Variants in ABL1 observed in about 807,000 individuals in gnomAD.
ABL1 encodes ABL proto-oncogene 1, non-receptor tyrosine kinase.
In ABL1, 11 loss-of-function variants were observed where a neutral mutation model predicts 94.7. The observed-to-expected ratio is 0.12, with a 90% CI of 0.07 to 0.19. ABL1 has a LOEUF of 0.19. Among genes scored for constraint, ABL1 ranks in the 10% least tolerant of loss-of-function variants. The pLI, the probability that ABL1 is intolerant of heterozygous loss-of-function variation, is 1.00. For synonymous variants in ABL1, 656 were observed against 622.4 expected (o/e 1.05, Z -0.80); for missense variants, 1,082 against 1,489.4 (o/e 0.73, Z 4.50).
chr9:130,803,379 G>A (rs1383493030), intron 1 of ABL1, among the ~76,000 whole-genome samples: 10 of 152,084 alleles, frequency 6.6e-5, no homozygotes, highest in Admixed American at 3.3e-4. Flanking sequence ...TCTCTTTTCT[G>A]AGCCACCCAG....
At chr9:130,714,255 A>C in exon 1 of ABL1, 1 of 1,486,062 alleles carries the variant, frequency 6.7e-7, no homozygotes, top group Non-Finnish European at 9.0e-7. Flanking sequence ...ATTTCCCTCT[A>C]CGCTCGCTGA....
At chr9:130,843,415 T>A (rs1309855457) in intron 1 of ABL1, among the ~76,000 whole-genome samples, 3 of 152,216 alleles carry the variant, frequency 2.0e-5, no homozygotes, top group Non-Finnish European at 4.4e-5. Context: ...CCCAACTAGG[T>A]TGATGCCATG....
intron 1 of ABL1, among the ~76,000 whole-genome samples, chr9:130,754,821 A>G (rs888166686): frequency 2.0e-5 from 3 of 152,126 alleles, no homozygotes; most frequent in Non-Finnish European, 4.4e-5. Flanking sequence ...GGACTAGGGA[A>G]TAGATAGGGC....
In ABL1 at chr9:130,850,955, G is replaced by A. The variant is rs549808743; in HGVS notation, c.80-3109G>A. On this transcript the variant is annotated intron_variant, in intron 1 of 10. Transcript: ENST00000318560. ...TTGTTTGTTTTTTTGAGAGAGTCTC[G>A]CTCTGTCACCCAGGCTGGAGTATAG... 1.7e-4 allele frequency among the ~76,000 whole-genome samples: 25 copies of A among 151,512 alleles called. No homozygotes were observed. In the South Asian group the frequency reaches 2.5e-3, roughly 15 times the overall value.
Position 130,881,887 on chromosome 9 carries a change from AC to A in ABL1, c.1678+1224del, listed in dbSNP as rs550570903. 2.7e-3 allele frequency among the ~76,000 whole-genome samples: 334 copies of A among 124,652 alleles called. 1 individual carries two copies. Among genetic ancestry groups the A allele is most frequent in the Admixed American group, 6.4e-3 (85 of 13,300 alleles). 81.8% of individuals were successfully genotyped at this position (124,652 alleles called of 152,430 possible). On this transcript the variant is annotated intron_variant, in intron 10 of 10. Coordinates refer to ENST00000318560, the MANE Select transcript of ABL1 (RefSeq NM_005157.6). Reference sequence around the variant, plus strand: ...ACGTACTCTCATTAGTAAAAAAAAAACAAAAAAAAACAGAACATGCAGCCCA... The same window carrying A: ...ACGTACTCTCATTAGTAAAAAAAAAAAAAAAAAAACAGAACATGCAGCCCA...
intron 4 of ABL1, among the ~76,000 whole-genome samples, chr9:130,866,312 A>G (rs968477854): frequency 6.6e-6 from 1 of 152,116 alleles, no homozygotes; most frequent in Non-Finnish European, 1.5e-5. Flanking sequence ...CAAATACCAT[A>G]AAATATTTAC....
chr9:130,840,954 C>T (rs959563350), intron 1 of ABL1, among the ~76,000 whole-genome samples: 2 of 152,184 alleles, frequency 1.3e-5, no homozygotes, highest in African/African-American at 4.8e-5. Context: ...GGAAGAATAG[C>T]TTGCTAATTA....
intron 3 of ABL1, among the ~76,000 whole-genome samples, chr9:130,860,821 G>A (rs187828413): frequency 1.2e-4 from 18 of 152,296 alleles, no homozygotes; most frequent in Admixed American, 7.8e-4. Context: ...TGAAGTAATC[G>A]GACAGCTGAC....
chr9:130,870,956 C>T (rs939667317), intron 4 of ABL1, among the ~76,000 whole-genome samples: 1 of 152,120 alleles, frequency 6.6e-6, no homozygotes, highest in African/African-American at 2.4e-5. Context: ...ACTGGGGCAG[C>T]CATAGCAAGC....
intron 1 of ABL1, among the ~76,000 whole-genome samples, chr9:130,722,516 G>T (rs1831529192): frequency 1.3e-5 from 2 of 152,176 alleles, no homozygotes; most frequent in African/African-American, 4.8e-5. Context: ...TAGAGACAGG[G>T]TCTTGCTTTG....
intron 1 of ABL1, among the ~76,000 whole-genome samples, chr9:130,755,909 C>T (rs1832035989): frequency 6.6e-6 from 1 of 152,162 alleles, no homozygotes; most frequent in Non-Finnish European, 1.5e-5. Context: ...AGGGCCTGTC[C>T]TTCAAGGGCT....
At chr9:130,834,539 C>T (rs1260852222), upstream of ABL1, among the ~76,000 whole-genome samples, 1 of 152,180 alleles carries the variant, frequency 6.6e-6, no homozygotes, top group Non-Finnish European at 1.5e-5. Context: ...CCCACCCTCA[C>T]CCCGTGGCAC....
rs377437716 is a variant in ABL1 at position 130,797,606 on chromosome 9, C to A, written c.137-56458C>A. Among the ~76,000 whole-genome samples, 45 of 152,270 alleles carry A rather than the reference C, an allele frequency of 3.0e-4. No homozygotes were observed. The East Asian group carries it at 5.0e-3, about 17-fold the overall frequency. On this transcript the variant is annotated intron_variant, in intron 1 of 10. Coordinates refer to the ABL1 transcript ENST00000372348. Reference sequence around the variant, plus strand: ...ACCAGGCTTGTCTCGAACTCCTAGCCTCAAGTGATCCGCCCTCCTCAGCCT... The same window carrying A: ...ACCAGGCTTGTCTCGAACTCCTAGCATCAAGTGATCCGCCCTCCTCAGCCT...
chr9:130,854,929 T>A lies in ABL1; in HGVS notation c.382T>A (p.Tyr128Asn). ...PVNSLEKHSW[Y>N]HGPVSRNAAE... Reference sequence around the variant, plus strand: ...CAACAGTCTGGAGAAACACTCCTGGTACCATGGGCCTGTGTCCCGCAATGC... The same window carrying A: ...CAACAGTCTGGAGAAACACTCCTGGAACCATGGGCCTGTGTCCCGCAATGC... Residue 128 changes from tyrosine to asparagine, a missense_variant, in exon 3 of 11, where the codon TAC (tyrosine) becomes AAC (asparagine). Physicochemically the swap from Tyr to Asn is moderately radical, Grantham distance 143. Transcript: ENST00000318560. 1 of 1,614,202 alleles carries A rather than the reference T, an allele frequency of 6.2e-7. No individual in the cohort carries two copies. The highest frequency in any genetic ancestry group is 8.5e-7 in the Non-Finnish European group (1 of 1,180,040).
chr9:130,742,225 A>G (rs1831829054), intron 1 of ABL1, among the ~76,000 whole-genome samples: 1 of 152,104 alleles, frequency 6.6e-6, no homozygotes, highest in East Asian at 1.9e-4. Context: ...GGTGGATGCC[A>G]TTTTGGGGAT....
intron 1 of ABL1, among the ~76,000 whole-genome samples, chr9:130,718,388 G>T (rs575320029): frequency 6.6e-6 from 1 of 151,276 alleles, no homozygotes; most frequent in Non-Finnish European, 1.5e-5. Flanking sequence ...CAATATCTAC[G>T]GTTATCTAGA....
chr9:130,763,979 G>A (rs1274853930), intron 1 of ABL1, among the ~76,000 whole-genome samples: 2 of 152,138 alleles, frequency 1.3e-5, no homozygotes, highest in African/African-American at 2.4e-5. Flanking sequence ...AACATAATGG[G>A]GGCAGGGAAC....
At chr9:130,864,107 A>G (rs1020979283) in intron 4 of ABL1, among the ~76,000 whole-genome samples, 1 of 152,156 alleles carries the variant, frequency 6.6e-6, no homozygotes, top group African/African-American at 2.4e-5. Flanking sequence ...AAAAGATCAC[A>G]TTCTTTAGTC....
intron 1 of ABL1, among the ~76,000 whole-genome samples, chr9:130,772,349 A>C (rs751814780): frequency 1.3e-5 from 2 of 152,186 alleles, no homozygotes; most frequent in Non-Finnish European, 2.9e-5. Flanking sequence ...GTTTGTCCAC[A>C]TGAGTACAAG....
Sources: allele counts gnomAD v4.1 joint callset (sites outside exome capture counted in the v4.1 genomes callset), GRCh38; gene constraint gnomAD v4.1.1; transcripts MANE v1.5; gene names NCBI Gene and HGNC (gene_info 2026-07-23, HGNC 2026-07-21).